Variants in TFB2M observed in about 807,000 individuals in gnomAD.
TFB2M encodes the protein dimethyladenosine transferase 2, mitochondrial.
In TFB2M, 44 loss-of-function variants were observed where a neutral mutation model predicts 41.3. The observed-to-expected ratio is 1.07, with a 90% confidence interval of 0.84 to 1.37. The LOEUF (loss-of-function observed/expected upper bound fraction) is 1.37, where lower values mean the gene tolerates loss of function less well. Among genes scored for constraint, TFB2M ranks in the 40% most tolerant of loss-of-function variants. The pLI is 0.00. For missense variants in TFB2M, 496 were observed against 490.2 expected (o/e 1.01, Z -0.11); for synonymous variants, 188 against 176.8 (o/e 1.06, Z -0.50).
chr1:246,540,946 G>C lies in TFB2M; in HGVS notation c.*85C>G. 1 of 1,354,508 alleles carries C rather than the reference G, an allele frequency of 7.4e-7. No homozygotes were observed. The highest frequency in any genetic ancestry group is 1.0e-6 in the Non-Finnish European group (1 of 985,934). 83.9% of individuals were successfully genotyped at this position (1,354,508 alleles called of 1,614,324 possible). A position where few individuals can be genotyped will look rare whatever the true frequency, so the allele number is the denominator to read the frequency against. ...AAGACAAGAACAGTTACCTTCTGCTGAAAGGATGTGAGTTTTCAAATTTGG... is the reference window on the plus strand; with the variant it reads ...AAGACAAGAACAGTTACCTTCTGCTCAAAGGATGTGAGTTTTCAAATTTGG... On this transcript the variant is annotated 3_prime_UTR_variant, in exon 8 of 8. Coordinates refer to ENST00000366514, the MANE Select transcript of TFB2M (RefSeq NM_022366.3).
chr1:246,544,650 T>A lies in TFB2M; in HGVS notation c.890A>T (p.Tyr297Phe). Residue 297 changes from tyrosine to phenylalanine, a missense_variant, in exon 7 of 8, where the codon TAT (tyrosine) becomes TTT (phenylalanine). By Grantham distance (22) the Tyr-to-Phe change is conservative. Coordinates refer to ENST00000366514, the MANE Select transcript of TFB2M (RefSeq NM_022366.3). ...ELLDQLQQKLYLIQMIPRQNL... is the reference protein window; with the variant it reads ...ELLDQLQQKLFLIQMIPRQNL... The stretch of plus-strand genomic sequence containing the variant: ...TTGACGAGGAATCATTTGAATAAGA[T>A]ACAGCTTTTGTTGTAATTGGTCTAA... 1.2e-6 allele frequency: 2 copies of A among 1,603,778 alleles called. No individual in the cohort carries two copies. Among genetic ancestry groups the A allele is most frequent in the South Asian group, 2.3e-5 (2 of 88,198 alleles).
rs1046563696 is a variant in TFB2M, at chr1:246,543,538, G to C, written c.1019+983C>G. 2.6e-5 allele frequency among the ~76,000 whole-genome samples: 4 copies of C among 152,116 alleles called. No homozygotes were observed. The South Asian group carries it at 8.3e-4, about 32-fold the overall frequency. ...CTGAGCTGTACTTACAGAAGTGTGG[G>C]CATCAGGCCTACACACAAATTACAT... On this transcript the variant is annotated intron_variant, in intron 7 of 7. Transcript: ENST00000366514.
intron 2 of TFB2M, among the ~76,000 whole-genome samples, chr1:246,559,513 C>T (rs190397138): frequency 5.9e-5 from 9 of 152,272 alleles, no homozygotes; most frequent in Admixed American, 5.2e-4. Context: ...TGCACCACTG[C>T]ACTCTAGTCA....
In TFB2M at chr1:246,565,998, G is replaced by C. The variant is rs755398945; in HGVS notation, c.141C>G (p.Ser47=). 6.2e-7 allele frequency: 1 copy of C among 1,614,236 alleles called. No individual in the cohort carries two copies. Among genetic ancestry groups the C allele is most frequent in the Non-Finnish European group, 8.5e-7 (1 of 1,180,048 alleles). The part of the protein sequence containing the change: ...PARNHCGLSD[S]SPQLWPEPDF... The stretch of plus-strand genomic sequence containing the variant: ...CCGGTTCGGGCCACAGCTGCGGAGA[G>C]GAGTCAGAGAGCCCACAGTGGTTCC... The change falls in exon 1 of 8, where the codon TCC becomes TCG. Residue 47 remains serine (S), a synonymous_variant. Coordinates refer to ENST00000366514, the MANE Select transcript of TFB2M (RefSeq NM_022366.3).
chr1:246,545,012 A>C (rs190615728), intron 6 of TFB2M, among the ~76,000 whole-genome samples: 11 of 151,686 alleles, frequency 7.3e-5, no homozygotes, highest in African/African-American at 1.7e-4. Context: ...TCACCGTGTT[A>C]GCCAGGATGG....
In TFB2M at chr1:246,555,343, T is replaced by C. The variant is rs570826305; in HGVS notation, c.705+1230A>G. Among the ~76,000 whole-genome samples, 3 of 152,146 alleles carry C rather than the reference T, an allele frequency of 2.0e-5. No individual in the cohort carries two copies. In the East Asian group the frequency reaches 5.8e-4, roughly 29 times the overall value. On this transcript the variant is annotated intron_variant, in intron 4 of 7. Coordinates refer to ENST00000366514, the MANE Select transcript of TFB2M (RefSeq NM_022366.3). ...TGGCTCATGCCTGTAGTCCCAACAC[T>C]TTAGGAGGCTGAGGCAGGAGGACTG...
intron 7 of TFB2M, among the ~76,000 whole-genome samples, chr1:246,542,238 A>G (rs1030430472): frequency 3.3e-5 from 5 of 150,634 alleles, no homozygotes; most frequent in African/African-American, 1.2e-4. Flanking sequence ...ATTATGAGGT[A>G]TTATATATAT....
At chr1:246,558,641 C>T (rs1275087819) in intron 2 of TFB2M, among the ~76,000 whole-genome samples, 5 of 152,150 alleles carry the variant, frequency 3.3e-5, no homozygotes, top group Non-Finnish European at 7.4e-5. Context: ...TAAAGAAAAA[C>T]AATTAAAATA....
chr1:246,548,674 A>G, intron 5 of TFB2M, 67 bp from the exon 6 acceptor site: 1 of 1,474,734 alleles, frequency 6.8e-7, no homozygotes. Context: ...CCCAGTTATT[A>G]CTTCCTTAAA....
At position 246,565,896 on chromosome 1, in the gene TFB2M, A is replaced by G. The variant is rs575778481; in HGVS notation, c.243T>C (p.Ala81=). 1.7e-5 allele frequency: 28 copies of G among 1,613,370 alleles called. No homozygotes were observed. In the South Asian group the frequency reaches 3.0e-4, roughly 17 times the overall value. Residue 81 remains alanine, a synonymous_variant, in exon 1 of 8, where the codon GCT becomes GCC. Coordinates refer to ENST00000366514, the MANE Select transcript of TFB2M (RefSeq NM_022366.3). ...FKRYVTDRRL[A]ETLAQIYLGK... ...CCAAATAGATTTGCGCCAGGGTCTC[A>G]GCCAATCTCCGATCGGTTACGTAAC... is the stretch of plus-strand genomic sequence containing the variant.
rs763644332 is a variant in TFB2M at position 246,565,999 on chromosome 1, G to A, written c.140C>T (p.Ser47Phe). 2.5e-6 allele frequency: 4 copies of A among 1,614,094 alleles called. No individual in the cohort carries two copies. In the African/African-American group the frequency reaches 4.0e-5, roughly 16 times the overall value. Residue 47 changes from serine to phenylalanine, a missense_variant, in exon 1 of 8, where the codon TCC (serine) becomes TTC (phenylalanine). Transcript: ENST00000366514. ...PARNHCGLSD[S>F]SPQLWPEPDF... ...CGGTTCGGGCCACAGCTGCGGAGAG[G>A]AGTCAGAGAGCCCACAGTGGTTCCT...
At chr1:246,544,146 G>C (rs1220581050) in intron 7 of TFB2M, among the ~76,000 whole-genome samples, 1 of 152,202 alleles carries the variant, frequency 6.6e-6, no homozygotes, top group Non-Finnish European at 1.5e-5. Context: ...TCTGGTTAAG[G>C]AACAGAACCA....
chr1:246,544,953 C>A (rs370772808), intron 6 of TFB2M, among the ~76,000 whole-genome samples: 1 of 152,020 alleles, frequency 6.6e-6, no homozygotes, highest in Non-Finnish European at 1.5e-5. Flanking sequence ...CTACAGGCGC[C>A]CACCACCACG....
At chr1:246,549,094 G>C (rs1327433919) in intron 5 of TFB2M, among the ~76,000 whole-genome samples, 2 of 152,174 alleles carry the variant, frequency 1.3e-5, no homozygotes, top group Non-Finnish European at 2.9e-5. Flanking sequence ...CCAGCACTTT[G>C]GGAGGCCAAA....
At chr1:246,555,872 C>T (rs1659309505) in intron 4 of TFB2M, among the ~76,000 whole-genome samples, 1 of 151,938 alleles carries the variant, frequency 6.6e-6, no homozygotes, top group African/African-American at 2.4e-5. Flanking sequence ...CTTATAGCAA[C>T]CTCCTCCTCC....
Position 246,557,447 on chromosome 1 carries a change from G to A in TFB2M, c.490C>T (p.Pro164Ser), listed in dbSNP as rs1422493014. The change falls in exon 3 of 8, where the codon CCA becomes TCA. Residue 164 changes from proline to serine, a missense_variant. Coordinates refer to ENST00000366514, the MANE Select transcript of TFB2M (RefSeq NM_022366.3). ...AGCCCTCGAGAAGACATAGCAGGTG[G>A]TTTTATTACTCCACCACTTCTAGGA... ...LDPRSGGVIK[P>S]PAMSSRGLFK... The A allele has an allele frequency of 3.1e-6, 5 of 1,613,754 alleles. No homozygotes were observed. Among genetic ancestry groups the A allele is most frequent in the Non-Finnish European group, 4.2e-6 (5 of 1,179,906 alleles).
intron 4 of TFB2M, among the ~76,000 whole-genome samples, chr1:246,555,947 C>G (rs185456849): frequency 6.6e-6 from 1 of 152,040 alleles, no homozygotes; most frequent in Non-Finnish European, 1.5e-5. Context: ...TGCACCACCA[C>G]GCCTGGCTAA....
In TFB2M at chr1:246,566,112, A is replaced by G; in HGVS notation, c.27T>C (p.Pro9=). Residue 9 remains proline (P), a synonymous_variant, in exon 1 of 8, where the codon CCT becomes CCC. Transcript: ENST00000366514. ...CCAAGGCGGAGAGCCTCAGCCGCCG[A>G]GGAAGCCCGACCACTGGGATCCACA... is the stretch of plus-strand genomic sequence containing the variant. MWIPVVGL[P]RRLRLSALAG... is the part of the protein sequence containing the mutation. The G allele has an allele frequency of 6.2e-7, 1 of 1,610,604 alleles. No homozygotes were observed. Among genetic ancestry groups the G allele is most frequent in the Non-Finnish European group, 8.5e-7 (1 of 1,177,446 alleles).
intron 4 of TFB2M, among the ~76,000 whole-genome samples, chr1:246,553,895 C>T (rs774187699): frequency 6.6e-6 from 1 of 152,128 alleles, no homozygotes; most frequent in Non-Finnish European, 1.5e-5. Flanking sequence ...ATAGCCTAAA[C>T]AATCATTAAA....
Sources: gnomAD v4.1 joint callset for allele counts (sites outside exome capture counted in the v4.1 genomes callset) on GRCh38, gnomAD v4.1.1 for gene constraint, MANE v1.5 for transcripts, NCBI Gene and HGNC (gene_info 2026-07-23, HGNC 2026-07-21) for gene names.